Variants in ELMO1 observed in about 807,000 individuals in gnomAD.
The protein encoded by ELMO1 is engulfment and cell motility 1.
ELMO1 carries 26 observed loss-of-function variants against 98.9 expected under a neutral mutation model. The observed-to-expected ratio is 0.26, with a 90% CI of 0.19 to 0.36. The LOEUF (loss-of-function observed/expected upper bound fraction) is 0.36, where lower values mean the gene tolerates loss of function less well. Ranked by LOEUF, ELMO1 falls within the 10% of genes least tolerant of loss-of-function variation. ELMO1 has a pLI of 1.00. For missense variants in ELMO1, 627 were observed against 935.2 expected, an observed-to-expected ratio of 0.67 and a Z score of 4.30; for synonymous variants, 346 against 346.0, an observed-to-expected ratio of 1.00 and a Z score of 0.00.
intron 15 of ELMO1, among the ~76,000 whole-genome samples, chr7:37,035,165 T>C (rs189284147): frequency 3.3e-5 from 5 of 152,352 alleles, no homozygotes; most frequent in South Asian, 2.1e-4. Flanking sequence ...TTCCCATTAA[T>C]GATTTTCTTA....
At chr7:37,310,812 T>C (rs1378701790) in intron 4 of ELMO1, among the ~76,000 whole-genome samples, 1 of 152,184 alleles carries the variant, frequency 6.6e-6, no homozygotes, top group Admixed American at 6.5e-5. Flanking sequence ...TTCTGACCTG[T>C]ACAACCCCCA....
intron 16 of ELMO1, among the ~76,000 whole-genome samples, chr7:36,916,767 G>A (rs1459445025): frequency 6.6e-6 from 1 of 152,208 alleles, no homozygotes; most frequent in African/African-American, 2.4e-5. Context: ...GCATCCCAGA[G>A]CTCCTTAGAG....
At chr7:37,105,197 G>A in intron 14 of ELMO1, among the ~76,000 whole-genome samples, 1 of 152,198 alleles carries the variant, frequency 6.6e-6, no homozygotes, top group East Asian at 1.9e-4. Flanking sequence ...CCCTCCCTTT[G>A]AGCATCACCT....
At chr7:37,151,698 G>C (rs369628732) in intron 13 of ELMO1, among the ~76,000 whole-genome samples, 4 of 152,162 alleles carry the variant, frequency 2.6e-5, no homozygotes, top group East Asian at 3.9e-4. Context: ...GCGGGAATCA[G>C]CCAGAGCTGA....
intron 16 of ELMO1, among the ~76,000 whole-genome samples, chr7:36,971,197 A>C (rs2129132959): frequency 6.6e-6 from 1 of 152,380 alleles, no homozygotes; most frequent in African/African-American, 2.4e-5. Context: ...TAAGAGGATA[A>C]TTATCTACAA....
At chr7:37,243,261 C>T (rs1693394872) in intron 7 of ELMO1, among the ~76,000 whole-genome samples, 1 of 152,222 alleles carries the variant, frequency 6.6e-6, no homozygotes, top group Admixed American at 6.5e-5. Context: ...TCTATATTTG[C>T]AAATTCTGTT....
Position 37,170,237 on chromosome 7 carries a change from T to A in ELMO1, c.1087-37003A>T, listed in dbSNP as rs549379282. Among the ~76,000 whole-genome samples the A allele has an allele frequency of 2.0e-5, 3 of 152,350 alleles. No homozygotes were observed. The East Asian group carries it at 5.8e-4, about 29-fold the overall frequency. On this transcript the variant is annotated intron_variant, in intron 13 of 21. Coordinates refer to ENST00000310758, the MANE Select transcript of ELMO1 (RefSeq NM_014800.11). Reference sequence around the variant, plus strand: ...ACATTTCTTTTCGTCTATTTCCAATTCTAAATTTGGGTAGAATTTCACAAT... The same window carrying A: ...ACATTTCTTTTCGTCTATTTCCAATACTAAATTTGGGTAGAATTTCACAAT...
At chr7:37,085,174 G>A (rs779225480) in intron 15 of ELMO1, among the ~76,000 whole-genome samples, 52 of 152,136 alleles carry the variant, frequency 3.4e-4, no homozygotes, top group Non-Finnish European at 5.9e-4. Flanking sequence ...AAAGGCTCCA[G>A]GTTAAGGATG....
At chr7:37,090,615 G>A (rs1012568951) in intron 15 of ELMO1, among the ~76,000 whole-genome samples, 5 of 151,948 alleles carry the variant, frequency 3.3e-5, no homozygotes, top group African/African-American at 7.3e-5. Context: ...TTCAACAGCC[G>A]CCTCCCACCA....
At chr7:37,295,319 A>G (rs1037383250) in intron 4 of ELMO1, among the ~76,000 whole-genome samples, 3 of 152,220 alleles carry the variant, frequency 2.0e-5, no homozygotes, top group Non-Finnish European at 4.4e-5. Flanking sequence ...ATCTATCAAC[A>G]TCCAGACAGT....
intron 16 of ELMO1, among the ~76,000 whole-genome samples, chr7:36,944,447 C>T (rs1290014183): frequency 6.6e-6 from 1 of 152,152 alleles, no homozygotes; most frequent in Non-Finnish European, 1.5e-5. Context: ...ATTTCAAAGC[C>T]CACATGATTT....
chr7:36,927,075 T>C (rs1785636085), intron 16 of ELMO1, among the ~76,000 whole-genome samples: 1 of 152,200 alleles, frequency 6.6e-6, no homozygotes, highest in Non-Finnish European at 1.5e-5. Flanking sequence ...TTGCCATGCA[T>C]TAGGAACATT....
chr7:36,939,190 T>A (rs2129092643), intron 16 of ELMO1, among the ~76,000 whole-genome samples: 1 of 151,518 alleles, frequency 6.6e-6, no homozygotes, highest in Admixed American at 6.5e-5. Context: ...TTTTATCTCC[T>A]AGCCACAGCA....
At chr7:36,892,082 C>A (rs1290999260) in intron 17 of ELMO1, among the ~76,000 whole-genome samples, 1 of 152,148 alleles carries the variant, frequency 6.6e-6, no homozygotes, top group African/African-American at 2.4e-5. Flanking sequence ...AATATATATT[C>A]CCCCAAAATA....
chr7:36,943,299 G>A (rs1054769833), intron 16 of ELMO1, among the ~76,000 whole-genome samples: 8 of 152,148 alleles, frequency 5.3e-5, no homozygotes, highest in Non-Finnish European at 7.4e-5. Context: ...TCTTTTATGC[G>A]TAAAAAATTC....
chr7:37,114,864 G>T (rs1032158536), intron 14 of ELMO1, among the ~76,000 whole-genome samples: 9 of 151,920 alleles, frequency 5.9e-5, no homozygotes, highest in Admixed American at 5.9e-4. Flanking sequence ...CAAATCTCTA[G>T]CCAGGCTCAA....
intron 15 of ELMO1, 22 bp downstream of exon 15, chr7:37,096,597 T>C (rs1275115906): frequency 5.0e-6 from 8 of 1,604,964 alleles, no homozygotes; most frequent in Admixed American, 1.7e-5. Context: ...TTCACACCCA[T>C]GTGGGAAATA....
At chr7:37,282,184 T>C (rs1408312589) in intron 4 of ELMO1, among the ~76,000 whole-genome samples, 1 of 152,224 alleles carries the variant, frequency 6.6e-6, no homozygotes, top group Non-Finnish European at 1.5e-5. Flanking sequence ...TCCTGTTTTT[T>C]AGCAAGGACA....
chr7:37,275,610 T>G (rs1311921398), intron 4 of ELMO1, among the ~76,000 whole-genome samples: 1 of 152,150 alleles, frequency 6.6e-6, no homozygotes, highest in East Asian at 1.9e-4. Flanking sequence ...GCATCTAGAC[T>G]CCAACTGGCT....
Sources: allele counts gnomAD v4.1 joint callset (sites outside exome capture counted in the v4.1 genomes callset), GRCh38; gene constraint gnomAD v4.1.1; transcripts MANE v1.5; gene names NCBI Gene and HGNC (gene_info 2026-07-23, HGNC 2026-07-21).